Variants in FOCAD observed in about 807,000 individuals in gnomAD.
FOCAD encodes KIAA1797.
In FOCAD, 198 loss-of-function variants were observed where a neutral mutation model predicts 225.6. That is an observed-to-expected ratio of 0.88 (90% CI 0.78 to 0.99). The LOEUF (loss-of-function observed/expected upper bound fraction) is 0.99, where lower values mean the gene tolerates loss of function less well. Ranked by LOEUF, FOCAD falls within the 50% of genes least tolerant of loss-of-function variation. The pLI, the probability that FOCAD is intolerant of heterozygous loss-of-function variation, is 0.00. For missense variants in FOCAD, 2,713 were observed against 2,123.6 expected, an observed-to-expected ratio of 1.28 and a Z score of -5.46; for synonymous variants, 897 against 755.0, an observed-to-expected ratio of 1.19 and a Z score of -3.08.
intron 2 of FOCAD, among the ~76,000 whole-genome samples, chr9:20,665,977 C>G (rs1821888987): frequency 6.6e-6 from 1 of 152,064 alleles, no homozygotes. Flanking sequence ...TCACTGCAAC[C>G]TCCGCCTTCC....
At chr9:20,713,010 G>C (rs933702810) in intron 1 of FOCAD, among the ~76,000 whole-genome samples, 1 of 152,114 alleles carries the variant, frequency 6.6e-6, no homozygotes, top group African/African-American at 2.4e-5. Context: ...TGGGATTACA[G>C]GTGTGAGCTA....
At position 20,951,044 on chromosome 9, in the gene FOCAD, C is replaced by T. The variant is rs1057511734; in HGVS notation, c.3997C>T (p.Leu1333Phe). The T allele has an allele frequency of 1.9e-6, 3 of 1,613,486 alleles. No homozygotes were observed. The African/African-American group carries it at 4.0e-5, about 22-fold the overall frequency. Residue 1333 changes from leucine (L) to phenylalanine (F), a missense_variant, in exon 34 of 44, where the codon CTT becomes TTT. Leu to Phe is a conservative substitution (Grantham distance 22, BLOSUM62 0). Coordinates refer to ENST00000338382, the MANE Select transcript of FOCAD (RefSeq NM_001375567.1). ...TGGTCTCCAGTCAAATGCAGTCTGG[C>T]TTCTTGGACATCTTCATCTATCTAC... The part of the protein sequence containing the change: ...VIGLQSNAVW[L>F]LGHLHLSTLS...
intron 12 of FOCAD, 90 bp from the exon 13 acceptor site, chr9:20,820,234 T>C: frequency 2.3e-6 from 2 of 886,970 alleles, no homozygotes; most frequent in African/African-American, 1.7e-5. Context: ...AGTCTTCATT[T>C]TATAACAAGG....
chr9:20,976,267 T>G, intron 35 of FOCAD, 153 bp from the exon 36 acceptor site: 1 of 632,994 alleles, frequency 1.6e-6, no homozygotes, highest in Non-Finnish European at 2.5e-6. Context: ...CAAATGGAGT[T>G]GAAATTAAGA....
chr9:20,930,190 CT>C (rs1564167395), intron 27 of FOCAD, among the ~76,000 whole-genome samples: 3 of 151,478 alleles, frequency 2.0e-5, no homozygotes, highest in Non-Finnish European at 4.4e-5. Context: ...GGACTGCTAA[CT>C]TTATTTACCC....
chr9:20,728,395 CTT>C (rs1214181193), intron 4 of FOCAD, among the ~76,000 whole-genome samples: 1 of 152,106 alleles, frequency 6.6e-6, no homozygotes, highest in Non-Finnish European at 1.5e-5. Flanking sequence ...TTTTAAATAA[CTT>C]TGTGCATGAA....
intron 15 of FOCAD, among the ~76,000 whole-genome samples, chr9:20,828,218 T>A (rs1367585919): frequency 6.6e-6 from 1 of 151,836 alleles, no homozygotes; most frequent in African/African-American, 2.4e-5. Context: ...AAAGTAACTA[T>A]GTAAGATGAT....
intron 28 of FOCAD, among the ~76,000 whole-genome samples, chr9:20,940,774 AG>A (rs1836572303): frequency 6.6e-6 from 1 of 152,240 alleles, no homozygotes; most frequent in Non-Finnish European, 1.5e-5. Context: ...GGCTTGTTTC[AG>A]GGTCATATGC....
Position 20,689,720 on chromosome 9 carries a change from G to C in FOCAD, c.-33+5427G>C, listed in dbSNP as rs376053984. On this transcript the variant is annotated intron_variant, in intron 1 of 43. Coordinates refer to ENST00000338382, the MANE Select transcript of FOCAD (RefSeq NM_001375567.1). ...CAGGTTAGAAAGAGCTTAGATTTGG[G>C]TATAAGGGTGACAGCGCTTCTCTGA... 4.9e-4 allele frequency among the ~76,000 whole-genome samples: 74 copies of C among 152,278 alleles called. 4 individuals are homozygous for C. The South Asian group carries it at 0.015, about 31-fold the overall frequency.
At chr9:20,716,497 A>G (rs1473239143) in intron 2 of FOCAD, among the ~76,000 whole-genome samples, 1 of 152,144 alleles carries the variant, frequency 6.6e-6, no homozygotes, top group Admixed American at 6.5e-5. Context: ...TGAAGTGAAA[A>G]GTATATTAGA....
At chr9:20,819,257 A>C (rs2131406383) in intron 11 of FOCAD, among the ~76,000 whole-genome samples, 1 of 152,234 alleles carries the variant, frequency 6.6e-6, no homozygotes, top group Middle Eastern at 3.4e-3. Flanking sequence ...TCTGTCATCT[A>C]GGCTGGAGTG....
At chr9:20,994,433 G>A (rs1841910203) in intron 43 of FOCAD, among the ~76,000 whole-genome samples, 1 of 152,204 alleles carries the variant, frequency 6.6e-6, no homozygotes, top group Non-Finnish European at 1.5e-5. Context: ...TCAGAAAGTT[G>A]CCTGTTGGCC....
At chr9:20,821,855 C>A (rs113089014) in intron 14 of FOCAD, among the ~76,000 whole-genome samples, 2 of 151,784 alleles carry the variant, frequency 1.3e-5, no homozygotes, top group African/African-American at 4.8e-5. Context: ...AGTGGGTTGG[C>A]CCAGATGCTG....
At chr9:20,863,580 C>T (rs559200620) in intron 16 of FOCAD, 7 of 152,058 alleles carry the variant, frequency 4.6e-5, no homozygotes, top group Non-Finnish European at 8.8e-5. Flanking sequence ...ATGATTGAAT[C>T]GATACAGAAT....
At chr9:20,921,558 G>T (rs895961309) in intron 24 of FOCAD, among the ~76,000 whole-genome samples, 2 of 152,134 alleles carry the variant, frequency 1.3e-5, no homozygotes, top group African/African-American at 4.8e-5. Context: ...AGGCATGAAG[G>T]GAATGCGAAG....
At chr9:20,956,556 A>T (rs770816353) in intron 35 of FOCAD, among the ~76,000 whole-genome samples, 15 of 152,148 alleles carry the variant, frequency 9.9e-5, no homozygotes, top group Non-Finnish European at 2.1e-4. Context: ...GTCCTATTTT[A>T]AAAAAAGTAA....
chr9:20,831,388 C>T (rs1825479603), intron 15 of FOCAD, among the ~76,000 whole-genome samples: 1 of 152,024 alleles, frequency 6.6e-6, no homozygotes, highest in African/African-American at 2.4e-5. Context: ...GTAGGTAGGA[C>T]ACAAAATGTG....
At chr9:20,765,153 A>C in intron 7 of FOCAD, 80 bp downstream of exon 7, 1 of 1,294,522 alleles carries the variant, frequency 7.7e-7, no homozygotes, top group Non-Finnish European at 1.1e-6. Flanking sequence ...TAGTTCTAGA[A>C]CATAAGTGAT....
At chr9:20,979,410 C>T (rs557937980) in intron 37 of FOCAD, among the ~76,000 whole-genome samples, 1 of 152,352 alleles carries the variant, frequency 6.6e-6, no homozygotes, top group East Asian at 1.9e-4. Flanking sequence ...AGAATCTCGA[C>T]TCACTGCAAC....
Sources: allele counts gnomAD v4.1 joint callset (sites outside exome capture counted in the v4.1 genomes callset), GRCh38; gene constraint gnomAD v4.1.1; transcripts MANE v1.5; gene names NCBI Gene and HGNC (gene_info 2026-07-23, HGNC 2026-07-21).